The following NOVA1 variants were observed in gnomAD, a reference collection of about 807,000 sequenced individuals.
NOVA1 encodes NOVA alternative splicing regulator 1.
Under a neutral mutation model 38.0 loss-of-function variants are expected in NOVA1, and 7 were observed. The ratio of observed to expected loss-of-function variants is 0.18; its 90% CI spans 0.10 to 0.35. NOVA1 has a LOEUF of 0.35. Ranked by LOEUF, NOVA1 falls within the 10% of genes least tolerant of loss-of-function variation. The pLI is 1.00. For missense variants in NOVA1, 460 were observed against 616.0 expected, an observed-to-expected ratio of 0.75 and a Z score of 2.68; for synonymous variants, 270 against 232.5, an observed-to-expected ratio of 1.16 and a Z score of -1.47.
At chr14:26,481,135 C>G (rs1885421096) in intron 2 of NOVA1, among the ~76,000 whole-genome samples, 4 of 152,038 alleles carry the variant, frequency 2.6e-5, no homozygotes, top group Admixed American at 2.0e-4. Context: ...AGTGACCCAA[C>G]ATAACACATG....
chr14:26,560,589 C>T (rs144542257), intron 2 of NOVA1, among the ~76,000 whole-genome samples: 10 of 152,212 alleles, frequency 6.6e-5, no homozygotes, highest in African/African-American at 2.4e-4. Context: ...ATTAGCCTAA[C>T]GTGGTAGTTG....
At chr14:26,596,151 G>C (rs1029041390) in intron 1 of NOVA1, 1 of 235,292 alleles carries the variant, frequency 4.3e-6, no homozygotes, top group Non-Finnish European at 8.5e-6. Context: ...AACTCAGTGT[G>C]GTGGACTGGC....
chr14:26,484,353 G>A (rs1356873780), intron 2 of NOVA1, among the ~76,000 whole-genome samples: 3 of 139,890 alleles, frequency 2.1e-5, no homozygotes, highest in Admixed American at 7.7e-5. Context: ...GGAGAATGAC[G>A]CGAACCCGTG....
At chr14:26,509,602 C>T (rs1171793236) in intron 2 of NOVA1, among the ~76,000 whole-genome samples, 1 of 152,116 alleles carries the variant, frequency 6.6e-6, no homozygotes, top group Non-Finnish European at 1.5e-5. Context: ...AGGCACACTG[C>T]ACATTTGATA....
Position 26,480,161 on chromosome 14 carries a change from A to G in NOVA1, c.281-18T>C. On this transcript the variant is annotated intron_variant, in intron 2 of 4. Coordinates refer to ENST00000539517, the MANE Select transcript of NOVA1 (RefSeq NM_002515.3). ...AGTAGTACCTGTGGATAAAACATTGATTTTCAGAAAATATTCCACACTTTG... is the reference window on the plus strand; with the variant it reads ...AGTAGTACCTGTGGATAAAACATTGGTTTTCAGAAAATATTCCACACTTTG... 1 of 1,584,296 alleles carries G rather than the reference A, an allele frequency of 6.3e-7. No homozygotes were observed. Among genetic ancestry groups the G allele is most frequent in the Non-Finnish European group, 8.6e-7 (1 of 1,164,252 alleles).
At chr14:26,596,554 A>G (rs748672238) in intron 1 of NOVA1, 3 of 1,289,130 alleles carry the variant, frequency 2.3e-6, no homozygotes, top group Non-Finnish European at 3.0e-6. Context: ...TACAATGCAT[A>G]TGCTGGAGAT....
In NOVA1 at chr14:26,447,806, T is replaced by A. The variant is rs994604608; in HGVS notation, c.*153A>T. 1.6e-6 allele frequency: 1 copy of A among 637,192 alleles called. No individual in the cohort carries two copies. The highest frequency in any genetic ancestry group is 2.9e-5 in the Admixed American group (1 of 33,922). The allele number at this position is 637,192 out of a possible 1,614,324, so 39.5% of individuals were successfully genotyped here. A position where few individuals can be genotyped will look rare whatever the true frequency, so the allele number is the denominator to read the frequency against. The stretch of plus-strand genomic sequence containing the variant: ...TATGAAACATCTGGTAAAACACATA[T>A]TATTTACATATACACATTGTCAACA... On this transcript the variant is annotated 3_prime_UTR_variant, in exon 5 of 5. Transcript: ENST00000539517.
chr14:26,455,060 G>C (rs1883048082), intron 4 of NOVA1, among the ~76,000 whole-genome samples: 2 of 152,140 alleles, frequency 1.3e-5, no homozygotes, highest in South Asian at 4.1e-4. Context: ...TACATGAATA[G>C]AAGTATCCAA....
intron 2 of NOVA1, among the ~76,000 whole-genome samples, chr14:26,489,617 T>C (rs178204): frequency 0.92 from 140,437 of 152,036 alleles, 65,690 homozygotes; most frequent in East Asian, 1. Context: ...GGCGAGTGGA[T>C]GACCTGAAGT....
At chr14:26,463,689 A>G (rs1189815103) in intron 4 of NOVA1, among the ~76,000 whole-genome samples, 1 of 152,126 alleles carries the variant, frequency 6.6e-6, no homozygotes, top group Non-Finnish European at 1.5e-5. Context: ...AAATCTGGTA[A>G]CTTTTTATGT....
At chr14:26,585,518 A>G in intron 2 of NOVA1, among the ~76,000 whole-genome samples, 1 of 151,460 alleles carries the variant, frequency 6.6e-6, no homozygotes, top group East Asian at 1.9e-4. Flanking sequence ...TACTTCTAAT[A>G]TATCACTTTA....
At chr14:26,587,970 G>A (rs1893630123) in intron 2 of NOVA1, among the ~76,000 whole-genome samples, 1 of 150,948 alleles carries the variant, frequency 6.6e-6, no homozygotes, top group Non-Finnish European at 1.5e-5. Context: ...AAATCAGAAT[G>A]ATTTTTTAGA....
intron 2 of NOVA1, among the ~76,000 whole-genome samples, chr14:26,572,223 T>C (rs1405368543): frequency 1.3e-5 from 2 of 152,146 alleles, no homozygotes; most frequent in African/African-American, 2.4e-5. Flanking sequence ...AGGGGAAGAT[T>C]AATTCAAGGT....
intron 2 of NOVA1, among the ~76,000 whole-genome samples, chr14:26,485,332 GATCA>G (rs1307998537): frequency 6.6e-6 from 1 of 151,914 alleles, no homozygotes; most frequent in Non-Finnish European, 1.5e-5. Flanking sequence ...CGGTTTATAA[GATCA>G]TTCAACGAAC....
chr14:26,546,818 G>A (rs890918551), intron 2 of NOVA1, among the ~76,000 whole-genome samples: 1 of 152,130 alleles, frequency 6.6e-6, no homozygotes, highest in Non-Finnish European at 1.5e-5. Context: ...AGGAGATCAA[G>A]ACCATCCTGG....
At chr14:26,589,260 A>G (rs1893703956) in intron 2 of NOVA1, among the ~76,000 whole-genome samples, 2 of 151,732 alleles carry the variant, frequency 1.3e-5, no homozygotes, top group Non-Finnish European at 3.0e-5. Context: ...CAGGACTGTG[A>G]TAACATATCT....
chr14:26,480,647 G>A (rs1311641436), intron 2 of NOVA1, among the ~76,000 whole-genome samples: 1 of 151,496 alleles, frequency 6.6e-6, no homozygotes, highest in Non-Finnish European at 1.5e-5. Context: ...AGCAACACTT[G>A]TTACCCGATA....
At chr14:26,453,200 G>T (rs61988527) in intron 4 of NOVA1, among the ~76,000 whole-genome samples, 66 of 68,376 alleles carry the variant, frequency 9.7e-4, no homozygotes, top group East Asian at 7.2e-3. Context: ...ATGTATGTAT[G>T]TATGTATGTA....
At chr14:26,532,936 T>G (rs1889824041) in intron 2 of NOVA1, among the ~76,000 whole-genome samples, 1 of 152,216 alleles carries the variant, frequency 6.6e-6, no homozygotes, top group African/African-American at 2.4e-5. Flanking sequence ...TTCAGAAATC[T>G]TATTAGAATG....
Sources: allele counts gnomAD v4.1 joint callset (sites outside exome capture counted in the v4.1 genomes callset), GRCh38; gene constraint gnomAD v4.1.1; transcripts MANE v1.5; gene names NCBI Gene and HGNC (gene_info 2026-07-23, HGNC 2026-07-21).